Variants in PTPN3 observed in about 807,000 individuals in gnomAD.
The protein encoded by PTPN3 is tyrosine-protein phosphatase non-receptor type 3.
PTPN3 carries 96 observed loss-of-function variants against 132.7 expected under a neutral mutation model. The observed-to-expected ratio is 0.72, with a 90% CI of 0.61 to 0.86. PTPN3 has a LOEUF of 0.86. PTPN3 is among the 40% of genes least tolerant of loss of function. The probability of loss-of-function intolerance (pLI) is 0.00; values close to 1 mark genes in which losing one functional copy is unlikely to be tolerated. For synonymous variants in PTPN3, 398 were observed against 429.0 expected (o/e 0.93, Z 0.89); for missense variants, 1,125 against 1,159.6 (o/e 0.97, Z 0.43).
intron 19 of PTPN3, among the ~76,000 whole-genome samples, chr9:109,402,914 A>G (rs1841264904): frequency 6.6e-6 from 1 of 152,012 alleles, no homozygotes; most frequent in Non-Finnish European, 1.5e-5. Flanking sequence ...CTACAAAAGA[A>G]TAATAAAAAA....
intron 12 of PTPN3, among the ~76,000 whole-genome samples, chr9:109,426,512 C>T (rs1843292922): frequency 6.6e-6 from 1 of 152,050 alleles, no homozygotes; most frequent in Non-Finnish European, 1.5e-5. Flanking sequence ...GCAATATATC[C>T]CAAAGTCACT....
At position 109,474,111 on chromosome 9, in the gene PTPN3, C is replaced by T. The variant is rs527485253; in HGVS notation, c.-17-10660G>A. Among the ~76,000 whole-genome samples, 31 of 152,148 alleles carry T rather than the reference C, an allele frequency of 2.0e-4. 1 individual carries two copies. In the South Asian group the frequency reaches 4.2e-3, roughly 20 times the overall value. The stretch of plus-strand genomic sequence containing the variant: ...AGTGACTGGTAACCTTTCCCCACTG[C>T]GCGCCACCTTGGTGAACCCAGACAC... On this transcript the variant is annotated intron_variant, in intron 1 of 25. Coordinates refer to ENST00000374541, the MANE Select transcript of PTPN3 (RefSeq NM_002829.4).
intron 1 of PTPN3, among the ~76,000 whole-genome samples, chr9:109,467,464 A>C (rs1237252446): frequency 1.3e-5 from 2 of 152,204 alleles, no homozygotes; most frequent in Non-Finnish European, 2.9e-5. Flanking sequence ...CGAGGACTAA[A>C]GGAGTGGGTT....
chr9:109,464,403 A>T (rs556806808), intron 1 of PTPN3, among the ~76,000 whole-genome samples: 2 of 152,288 alleles, frequency 1.3e-5, no homozygotes, highest in South Asian at 4.1e-4. Flanking sequence ...GGCCTACGTG[A>T]GGGTGAAGTG....
At chr9:109,448,744 C>T (rs1445097102) in intron 6 of PTPN3, 67 bp downstream of exon 6, 2 of 1,411,642 alleles carry the variant, frequency 1.4e-6, no homozygotes, top group East Asian at 4.6e-5. Context: ...GAAATAAACA[C>T]TCATTAGATT....
the PTPN3 span, among the ~76,000 whole-genome samples, chr9:109,510,470 A>G: frequency 1.3e-5 from 2 of 151,050 alleles, no homozygotes; most frequent in African/African-American, 4.9e-5. Context: ...AGGCAGGAGA[A>G]TCCCTTGAAC....
chr9:109,505,698 T>A, the PTPN3 span, among the ~76,000 whole-genome samples: 1 of 151,972 alleles, frequency 6.6e-6, no homozygotes, highest in African/African-American at 2.4e-5. Context: ...ACTAATGGTC[T>A]TCTAGGTATT....
intron 22 of PTPN3, among the ~76,000 whole-genome samples, chr9:109,387,493 T>C (rs766095957): frequency 2.0e-5 from 3 of 152,174 alleles, no homozygotes; most frequent in Non-Finnish European, 4.4e-5. Flanking sequence ...TCTGGCCCTG[T>C]GAGACAAGGA....
At chr9:109,437,235 T>C (rs1844121046) in intron 8 of PTPN3, among the ~76,000 whole-genome samples, 1 of 152,250 alleles carries the variant, frequency 6.6e-6, no homozygotes. Context: ...CGGAGAAGAC[T>C]GTTACCTTTC....
At chr9:109,492,567 A>G (rs573576608) in intron 1 of PTPN3, among the ~76,000 whole-genome samples, 113 of 152,346 alleles carry the variant, frequency 7.4e-4, no homozygotes, top group Middle Eastern at 3.4e-3. Context: ...TAGCTCATTG[A>G]CAACAGTCAA....
At chr9:109,383,715 G>A (rs553480705) in intron 22 of PTPN3, among the ~76,000 whole-genome samples, 164 bp from the exon 23 acceptor site, 3 of 152,298 alleles carry the variant, frequency 2.0e-5, no homozygotes, top group East Asian at 1.9e-4. Context: ...CTCAGGGCGG[G>A]GTGGGGGCAG....
intron 18 of PTPN3, among the ~76,000 whole-genome samples, chr9:109,405,237 C>T (rs1841467422): frequency 6.6e-6 from 1 of 152,202 alleles, no homozygotes; most frequent in South Asian, 2.1e-4. Context: ...CAACTCCCAA[C>T]CTTGCACAGG....
At chr9:109,449,943 C>T (rs1230400743) in intron 5 of PTPN3, 1 of 985,360 alleles carries the variant, frequency 1.0e-6, no homozygotes, top group Non-Finnish European at 1.2e-6. Flanking sequence ...TACTTTGTAA[C>T]TTTCCCTCTT....
the PTPN3 span, among the ~76,000 whole-genome samples, chr9:109,520,014 C>T: frequency 1.3e-5 from 2 of 152,078 alleles, no homozygotes; most frequent in Non-Finnish European, 2.9e-5. Flanking sequence ...AAAAAATTAG[C>T]CAGGCGTGGT....
chr9:109,450,717 AGAT>A, intron 5 of PTPN3: 1 of 985,366 alleles, frequency 1.0e-6, no homozygotes, highest in East Asian at 1.1e-4. Context: ...ACAATGAAGA[AGAT>A]ATTTATTTAA....
At chr9:109,409,525 A>G (rs988525814) in intron 16 of PTPN3, among the ~76,000 whole-genome samples, 4 of 152,130 alleles carry the variant, frequency 2.6e-5, no homozygotes, top group African/African-American at 9.7e-5. Flanking sequence ...GGCCACATTA[A>G]AAAAAACCTC....
At chr9:109,410,197 T>G (rs2275699) in intron 15 of PTPN3, 32 bp downstream of exon 15, 1,341,818 of 1,610,736 alleles carry the variant, frequency 0.83, 560,137 homozygotes, top group African/African-American at 0.96. Flanking sequence ...GCCCTGGGTG[T>G]GTGGATCACC....
At chr9:109,530,668 A>G in the PTPN3 span, among the ~76,000 whole-genome samples, 1 of 152,202 alleles carries the variant, frequency 6.6e-6, no homozygotes, top group Non-Finnish European at 1.5e-5. Context: ...ATCATTTTAC[A>G]TTCCCACCAG....
chr9:109,534,104 T>A, the PTPN3 span: 1 of 783,390 alleles, frequency 1.3e-6, no homozygotes, highest in Non-Finnish European at 2.4e-6. Context: ...TCATTCCTGT[T>A]GATGAAAGCA....
Sources: allele counts gnomAD v4.1 joint callset (sites outside exome capture counted in the v4.1 genomes callset), GRCh38; gene constraint gnomAD v4.1.1; transcripts MANE v1.5; gene names NCBI Gene and HGNC (gene_info 2026-07-23, HGNC 2026-07-21).